Variants in VIL1 observed in about 807,000 individuals in gnomAD.
VIL1 encodes villin-1.
In VIL1, 86 loss-of-function variants were observed where a neutral mutation model predicts 104.0. That is an observed-to-expected ratio of 0.83 (90% CI 0.69 to 0.99). The LOEUF (loss-of-function observed/expected upper bound fraction) is 0.99, where lower values mean the gene tolerates loss of function less well. Among genes scored for constraint, VIL1 ranks in the 50% least tolerant of loss-of-function variants. The pLI, the probability that VIL1 is intolerant of heterozygous loss-of-function variation, is 0.00. For synonymous variants in VIL1, 394 were observed against 412.6 expected (o/e 0.95, Z 0.55); for missense variants, 944 against 1,054.1 (o/e 0.90, Z 1.45).
At chr2:218,436,995 C>T in intron 16 of VIL1, 129 bp from the exon 17 acceptor site, 1 of 1,123,192 alleles carries the variant, frequency 8.9e-7, no homozygotes, top group Non-Finnish European at 1.3e-6. Flanking sequence ...GATGCCTGCC[C>T]TAGGTCATTT....
intron 6 of VIL1, among the ~76,000 whole-genome samples, chr2:218,428,980 G>T (rs1480746794): frequency 6.6e-6 from 1 of 152,120 alleles, no homozygotes; most frequent in Non-Finnish European, 1.5e-5. Context: ...TGATCCTTGG[G>T]GCTCAGCTCG....
intron 16 of VIL1, 49 bp from the exon 17 acceptor site, chr2:218,437,075 G>A: frequency 6.3e-7 from 1 of 1,587,512 alleles, no homozygotes; most frequent in Non-Finnish European, 8.6e-7. Flanking sequence ...GAGCCCTGTG[G>A]GCCAGGGAGG....
At position 218,434,527 on chromosome 2, in the gene VIL1, G is replaced by A; in HGVS notation, c.1502G>A (p.Gly501Glu). The stretch of plus-strand genomic sequence containing the variant: ...CCTGTCTTCTGCCCTCACCTGCAGG[G>A]AGGCACCTCCCGAACTAACAACTTG... ...IFKGRMVVYQGGTSRTNNLET... is the reference protein window; with the variant it reads ...IFKGRMVVYQEGTSRTNNLET... Residue 501 changes from glycine (G) to glutamate (E), a missense_variant and splice_region_variant, in exon 14 of 20, where the codon GGA (glycine) becomes GAA (glutamate). Gly to Glu is a moderately conservative substitution (Grantham distance 98). Transcript: ENST00000248444. 1.2e-6 allele frequency: 2 copies of A among 1,609,800 alleles called. No individual in the cohort carries two copies. The highest frequency in any genetic ancestry group is 1.7e-6 in the Non-Finnish European group (2 of 1,178,228).
intron 10 of VIL1, among the ~76,000 whole-genome samples, chr2:218,431,635 C>T (rs1217556729): frequency 6.6e-6 from 1 of 152,158 alleles, no homozygotes; most frequent in Non-Finnish European, 1.5e-5. Context: ...TCTTATGCCT[C>T]TCCTGGCTCC....
At chr2:218,428,408 C>T in intron 6 of VIL1, 71 bp downstream of exon 6, 1 of 1,341,966 alleles carries the variant, frequency 7.5e-7, no homozygotes, top group Admixed American at 1.7e-5. Context: ...TTCCCCAGGC[C>T]TCTCCCCGCT....
At chr2:218,434,492 ACT>A in intron 13 of VIL1, 32 bp from the exon 14 acceptor site, 1 of 1,579,836 alleles carries the variant, frequency 6.3e-7, no homozygotes, top group Non-Finnish European at 8.6e-7. Flanking sequence ...GTGACTCCTG[ACT>A]CTCTCTCCCT....
intron 1 of VIL1, among the ~76,000 whole-genome samples, chr2:218,421,274 G>A (rs963205931): frequency 7.9e-5 from 12 of 152,078 alleles, no homozygotes; most frequent in Non-Finnish European, 1.5e-4. Flanking sequence ...GTGTAGTGGG[G>A]AGACTCAAGG....
At chr2:218,435,494 C>T in intron 15 of VIL1, 60 bp downstream of exon 15, 2 of 1,578,810 alleles carry the variant, frequency 1.3e-6, no homozygotes, top group Non-Finnish European at 1.7e-6. Flanking sequence ...CCAGCATCTC[C>T]ATCCCTACAC....
At chr2:218,430,293 G>T (rs1689072911) in intron 9 of VIL1, among the ~76,000 whole-genome samples, 2 of 152,210 alleles carry the variant, frequency 1.3e-5, no homozygotes, top group South Asian at 4.1e-4. Context: ...AGGGGATTGG[G>T]TCAGCTCAGA....
At chr2:218,435,561 C>A in intron 15 of VIL1, 127 bp downstream of exon 15, 2 of 1,293,102 alleles carry the variant, frequency 1.5e-6, no homozygotes, top group Non-Finnish European at 2.1e-6. Context: ...CTGTGCCAGA[C>A]CCCCAGGGCT....
In VIL1 at chr2:218,452,037, A is replaced by G. The variant is rs568356575; in HGVS notation, c.*2701A>G. The G allele has an allele frequency of 2.6e-5, 4 of 152,630 alleles. No individual in the cohort carries two copies. Among genetic ancestry groups the G allele is most frequent in the Non-Finnish European group, 5.9e-5 (4 of 68,044 alleles). 9.5% of individuals were successfully genotyped at this position (152,630 alleles called of 1,614,324 possible). Reference sequence around the variant, plus strand: ...AATTATAGTCATGGCTATTAAAGAAATTAACAGCATCCAGCCACATGCAAC... The same window carrying G: ...AATTATAGTCATGGCTATTAAAGAAGTTAACAGCATCCAGCCACATGCAAC... On this transcript the variant is annotated 3_prime_UTR_variant, in exon 20 of 20. Transcript: ENST00000248444.
At chr2:218,432,241 A>G in intron 12 of VIL1, 58 bp downstream of exon 12, 1 of 1,575,500 alleles carries the variant, frequency 6.3e-7, no homozygotes, top group Admixed American at 1.7e-5. Flanking sequence ...CCTTGTACAT[A>G]CTCCTGCTAA....
chr2:218,428,151 G>T, intron 5 of VIL1, 76 bp from the exon 6 acceptor site: 1 of 1,596,168 alleles, frequency 6.3e-7, no homozygotes, highest in Non-Finnish European at 8.6e-7. Context: ...GGGGTGAGGG[G>T]CAGGGAGGGA....
chr2:218,453,135 AACTTAG>A lies in VIL1; in HGVS notation c.*3801_*3806del, dbSNP rs1689533773. On this transcript the variant is annotated 3_prime_UTR_variant, in exon 20 of 20. Transcript: ENST00000248444. Reference sequence around the variant, plus strand: ...GGCCATTTATAATTCAAAGAATGAAAACTTAGAATAGTTTACTACATTAGAATACAT... The same window carrying A: ...GGCCATTTATAATTCAAAGAATGAAAAATAGTTTACTACATTAGAATACAT... 1 of 152,212 alleles carries A rather than the reference AACTTAG, an allele frequency of 6.6e-6. No individual in the cohort carries two copies. The highest frequency in any genetic ancestry group is 6.5e-5 in the Admixed American group (1 of 15,280). 9.4% of individuals were successfully genotyped at this position (152,212 alleles called of 1,614,324 possible).
At chr2:218,437,615 A>G (rs1689218335) in intron 17 of VIL1, among the ~76,000 whole-genome samples, 1 of 152,232 alleles carries the variant, frequency 6.6e-6, no homozygotes, top group South Asian at 2.1e-4. Context: ...ACACAGTTCA[A>G]AATTCAGTTT....
At chr2:218,424,430 G>A (rs944729827) in intron 3 of VIL1, 79 bp downstream of exon 3, 22 of 1,476,280 alleles carry the variant, frequency 1.5e-5, no homozygotes, top group African/African-American at 2.8e-5. Flanking sequence ...GCTGGGGGCC[G>A]TGGGGAGAGT....
intron 18 of VIL1, among the ~76,000 whole-genome samples, 175 bp from the exon 19 acceptor site, chr2:218,440,547 G>A (rs776206888): frequency 6.6e-6 from 1 of 152,194 alleles, no homozygotes; most frequent in Non-Finnish European, 1.5e-5. Flanking sequence ...TGGGATTACA[G>A]GCGTGAGCCA....
intron 4 of VIL1, 37 bp from the exon 5 acceptor site, chr2:218,427,928 A>G (rs780372600): frequency 2.5e-6 from 4 of 1,590,098 alleles, no homozygotes; most frequent in Non-Finnish European, 8.6e-7. Context: ...CACACCTCCC[A>G]GCCCACTTCC....
intron 6 of VIL1, among the ~76,000 whole-genome samples, chr2:218,429,002 G>A (rs755224496): frequency 6.6e-6 from 1 of 152,194 alleles, no homozygotes; most frequent in African/African-American, 2.4e-5. Flanking sequence ...GTCCCGAACT[G>A]TGAAGTCTAA....
Sources: allele counts gnomAD v4.1 joint callset (sites outside exome capture counted in the v4.1 genomes callset), GRCh38; gene constraint gnomAD v4.1.1; transcripts MANE v1.5; gene names NCBI Gene and HGNC (gene_info 2026-07-23, HGNC 2026-07-21).